The following ZSCAN25 variants were observed in gnomAD, a reference collection of about 807,000 sequenced individuals.
The protein encoded by ZSCAN25 is zinc finger and SCAN domain-containing protein 25.
Under a neutral mutation model 38.7 loss-of-function variants are expected in ZSCAN25, and 27 were observed. The ratio of observed to expected loss-of-function variants is 0.70; its 90% confidence interval spans 0.51 to 0.96. The LOEUF (loss-of-function observed/expected upper bound fraction) is 0.96, where lower values mean the gene tolerates loss of function less well. Ranked by LOEUF, ZSCAN25 falls within the 40% of genes least tolerant of loss-of-function variation. ZSCAN25 has a pLI of 0.00. For missense variants in ZSCAN25, 637 were observed against 705.9 expected (o/e 0.90, Z 1.11); for synonymous variants, 273 against 277.7 (o/e 0.98, Z 0.17).
At chr7:99,692,274 T>C in the ZSCAN25 span, among the ~76,000 whole-genome samples, 1 of 152,250 alleles carries the variant, frequency 6.6e-6, no homozygotes, top group Non-Finnish European at 1.5e-5. Context: ...GCTGTTAGTC[T>C]GGTGGACTTC....
At chr7:99,712,856 G>A in the ZSCAN25 span, among the ~76,000 whole-genome samples, 13 of 152,198 alleles carry the variant, frequency 8.5e-5, no homozygotes, top group African/African-American at 1.7e-4. Context: ...AGTAAAAATC[G>A]TACATGGGTT....
chr7:99,700,053 A>C, the ZSCAN25 span: 3 of 1,568,942 alleles, frequency 1.9e-6, 1 homozygote, highest in African/African-American at 4.1e-5. Context: ...GCCTTCTTCA[A>C]CTGTCTCCTC....
chr7:99,652,844 C>A, the ZSCAN25 span: 1 of 1,234,106 alleles, frequency 8.1e-7, no homozygotes, highest in Non-Finnish European at 1.2e-6. Flanking sequence ...TGAGTCCATG[C>A]AGTACTATTG....
rs145135200 is a variant in ZSCAN25 at position 99,629,800 on chromosome 7, A to G, written c.1415A>G (p.Asn472Ser). 1.3e-5 allele frequency: 21 copies of G among 1,614,238 alleles called. No homozygotes were observed. The highest frequency in any genetic ancestry group is 4.5e-5 in the East Asian group (2 of 44,884). The stretch of plus-strand genomic sequence containing the variant: ...GGCAAGAGCTTCAGCAGGAATGCCA[A>G]TCTGGCGGTGCACCGGCGTGCCCAC... The part of the protein sequence containing the change: ...ECGKSFSRNA[N>S]LAVHRRAHTG... The change falls in exon 8 of 8, where the codon AAT becomes AGT. Residue 472 changes from asparagine (N) to serine (S), a missense_variant. Physicochemically the swap from Asn to Ser is conservative, Grantham distance 46. Transcript: ENST00000394152. The surrounding 1 kb of genome is among the most constrained non-coding windows in gnomAD (Gnocchi z 5.6).
chr7:99,685,684 A>G, the ZSCAN25 span, among the ~76,000 whole-genome samples: 1 of 152,228 alleles, frequency 6.6e-6, no homozygotes, highest in African/African-American at 2.4e-5. Flanking sequence ...ACACACACAA[A>G]TACACACGTG....
chr7:99,634,331 G>C (rs1808179901), downstream of ZSCAN25, among the ~76,000 whole-genome samples: 1 of 152,218 alleles, frequency 6.6e-6, no homozygotes, highest in Admixed American at 6.5e-5. Flanking sequence ...CCAGCTGAGA[G>C]GCAAGGAGAA....
At chr7:99,627,715 T>C (rs1807603759) in intron 7 of ZSCAN25, among the ~76,000 whole-genome samples, 1 of 151,870 alleles carries the variant, frequency 6.6e-6, no homozygotes, top group Non-Finnish European at 1.5e-5. Flanking sequence ...GTATATGCTG[T>C]ATACGTATAT....
chr7:99,672,431 A>T, the ZSCAN25 span: 1 of 661,248 alleles, frequency 1.5e-6, no homozygotes, highest in Non-Finnish European at 2.7e-6. Context: ...AGATTGCAAG[A>T]TGTTACCACT....
the ZSCAN25 span, among the ~76,000 whole-genome samples, chr7:99,718,081 A>G: frequency 6.6e-6 from 1 of 152,020 alleles, no homozygotes; most frequent in Admixed American, 6.6e-5. Flanking sequence ...ATGAGAACAC[A>G]TGGACACAGG....
At chr7:99,674,433 A>T in the ZSCAN25 span, 1 of 843,946 alleles carries the variant, frequency 1.2e-6, no homozygotes, top group Non-Finnish European at 1.9e-6. Flanking sequence ...TAGGTTGACA[A>T]GAGCTTCATC....
At chr7:99,724,316 A>C in the ZSCAN25 span, among the ~76,000 whole-genome samples, 5 of 152,262 alleles carry the variant, frequency 3.3e-5, no homozygotes, top group Admixed American at 1.3e-4. Flanking sequence ...ATAGCCAGAA[A>C]ATGACACTTT....
the ZSCAN25 span, chr7:99,648,442 G>C: frequency 1.4e-6 from 2 of 1,408,064 alleles, no homozygotes; most frequent in African/African-American, 1.5e-5. Flanking sequence ...AATAAATGAA[G>C]TGAAAGAAGA....
chr7:99,662,720 T>A, the ZSCAN25 span: 1 of 1,246,760 alleles, frequency 8.0e-7, no homozygotes, highest in East Asian at 2.4e-5. This position sits in a 1 kb window ranked among gnomAD's most constrained non-coding sequence, Gnocchi z 4.3. Flanking sequence ...GTGGCAAAAA[T>A]TCTCATCTTC....
Position 99,629,406 on chromosome 7 carries a change from C to T in ZSCAN25, c.1021C>T (p.His341Tyr). Residue 341 changes from histidine (H) to tyrosine (Y), a missense_variant, in exon 8 of 8, where the codon CAC (histidine) becomes TAC (tyrosine). Physicochemically the swap from His to Tyr is moderately conservative, Grantham distance 83 (BLOSUM62 2). Coordinates refer to ENST00000394152, the MANE Select transcript of ZSCAN25 (RefSeq NM_145115.3). The surrounding 1 kb of genome is among the most constrained non-coding windows in gnomAD (Gnocchi z 5.6). ...CCCCCTGCCTGACGAAGTCAAAACCCACAGCTCCTTCTGGAAGCCTTTCCA... is the reference window on the plus strand; with the variant it reads ...CCCCCTGCCTGACGAAGTCAAAACCTACAGCTCCTTCTGGAAGCCTTTCCA... ...AIPLPDEVKT[H>Y]SSFWKPFQCP... The T allele has an allele frequency of 6.2e-7, 1 of 1,614,244 alleles. No homozygotes were observed.
chr7:99,696,142 A>G, the ZSCAN25 span, among the ~76,000 whole-genome samples: 1 of 152,198 alleles, frequency 6.6e-6, no homozygotes, highest in African/African-American at 2.4e-5. Context: ...AGGTTCAGGA[A>G]GGAATTCTTC....
chr7:99,721,822 G>A, the ZSCAN25 span, among the ~76,000 whole-genome samples: 1 of 152,182 alleles, frequency 6.6e-6, no homozygotes, highest in Non-Finnish European at 1.5e-5. Context: ...AGAAGGCTAT[G>A]ATGAGTGGAT....
the ZSCAN25 span, chr7:99,708,101 C>A: frequency 7.7e-7 from 1 of 1,303,642 alleles, no homozygotes; most frequent in African/African-American, 1.5e-5. Context: ...GTGGGCTAGT[C>A]ACTGAAATCC....
chr7:99,666,515 A>C, the ZSCAN25 span: 2 of 1,401,260 alleles, frequency 1.4e-6, no homozygotes, highest in African/African-American at 1.4e-5. Context: ...CACTGGAGTA[A>C]CCCAACAGTG....
the ZSCAN25 span, among the ~76,000 whole-genome samples, chr7:99,692,911 C>G: frequency 6.6e-6 from 1 of 152,224 alleles, no homozygotes; most frequent in Non-Finnish European, 1.5e-5. Context: ...TCATCAAACT[C>G]ATTCTCTGTC....
Sources: gnomAD v4.1 joint callset for allele counts (sites outside exome capture counted in the v4.1 genomes callset) on GRCh38, gnomAD v4.1.1 for gene constraint, Gnocchi (gnomAD v3.1) non-coding constraint, MANE v1.5 for transcripts, NCBI Gene and HGNC (gene_info 2026-07-23, HGNC 2026-07-21) for gene names.